Variants in ABHD2 observed in about 807,000 individuals in gnomAD.
ABHD2 encodes monoacylglycerol lipase ABHD2.
In ABHD2, 20 loss-of-function variants were observed where a neutral mutation model predicts 48.1. That is an observed-to-expected ratio of 0.42 (90% confidence interval 0.29 to 0.60). The LOEUF is 0.60. ABHD2 is among the 20% of genes least tolerant of loss of function. The pLI is 0.24. For missense variants in ABHD2, 405 were observed against 550.9 expected, an observed-to-expected ratio of 0.74 and a Z score of 2.65; for synonymous variants, 209 against 214.2, an observed-to-expected ratio of 0.98 and a Z score of 0.21.
the ABHD2 span, among the ~76,000 whole-genome samples, chr15:89,079,158 A>G: frequency 6.6e-6 from 1 of 152,210 alleles, no homozygotes; most frequent in Admixed American, 6.5e-5. The surrounding 1 kb of genome is among the most constrained non-coding windows in gnomAD (Gnocchi z 4.3). Flanking sequence ...TACATATTTT[A>G]TGTAAAATGT....
intron 5 of ABHD2, among the ~76,000 whole-genome samples, chr15:89,169,749 C>T (rs992075503): frequency 1.3e-5 from 2 of 152,134 alleles, no homozygotes; most frequent in African/African-American, 4.8e-5. Flanking sequence ...GAAATGTAAA[C>T]ATCTTTTTTT....
the ABHD2 span, chr15:89,075,159 G>C: frequency 6.6e-6 from 1 of 152,198 alleles, no homozygotes; most frequent in African/African-American, 2.4e-5. This position sits in a 1 kb window ranked among gnomAD's most constrained non-coding sequence, Gnocchi z 4.1. Context: ...TTGGCCTCAA[G>C]GGGTAGGGCT....
chr15:89,108,419 C>T (rs1471314331), intron 1 of ABHD2, among the ~76,000 whole-genome samples: 2 of 152,208 alleles, frequency 1.3e-5, no homozygotes, highest in African/African-American at 4.8e-5. Flanking sequence ...TCCAAGGACA[C>T]CAGTCATGGG....
At chr15:89,136,019 C>G (rs1448026690) in intron 3 of ABHD2, 10 of 232,276 alleles carry the variant, frequency 4.3e-5, no homozygotes, top group South Asian at 3.0e-4. Flanking sequence ...CTCTGCCTCC[C>G]AGGTTCAAGC....
chr15:89,175,703 T>A lies in ABHD2; in HGVS notation c.539-109T>A. 1 of 1,154,750 alleles carries A rather than the reference T, an allele frequency of 8.7e-7. No individual in the cohort carries two copies. The highest frequency in any genetic ancestry group is 1.3e-6 in the Non-Finnish European group (1 of 781,344). The allele number at this position is 1,154,750 out of a possible 1,614,324, so 71.5% of individuals were successfully genotyped here. The stretch of plus-strand genomic sequence containing the variant: ...CACACGTATATATACACATATATAT[T>A]TCTCTCTCTTTTAGTATACTGGCAC... On this transcript the variant is annotated intron_variant, in intron 5 of 10. Coordinates refer to ENST00000352732, the MANE Select transcript of ABHD2 (RefSeq NM_152924.5). The surrounding 1 kb of genome is among the most constrained non-coding windows in gnomAD (Gnocchi z 5.7).
chr15:89,086,825 C>G (rs1019441028), upstream of ABHD2, among the ~76,000 whole-genome samples: 1 of 152,218 alleles, frequency 6.6e-6, no homozygotes. Flanking sequence ...TGTTTTAACT[C>G]AGAGTCAGGA....
intron 1 of ABHD2, chr15:89,093,750 G>C (rs529484930): frequency 4.6e-5 from 7 of 152,278 alleles, no homozygotes; most frequent in African/African-American, 1.7e-4. Context: ...AACTTCCAAG[G>C]TCTGAGCCTG....
At chr15:89,150,704 G>A (rs2050576648) in intron 3 of ABHD2, among the ~76,000 whole-genome samples, 1 of 152,166 alleles carries the variant, frequency 6.6e-6, no homozygotes, top group Non-Finnish European at 1.5e-5. Flanking sequence ...AGTAGGTTAA[G>A]GTAAATTATT....
At chr15:89,148,654 G>A (rs2150881900) in intron 3 of ABHD2, among the ~76,000 whole-genome samples, 1 of 152,266 alleles carries the variant, frequency 6.6e-6, no homozygotes, top group African/African-American at 2.4e-5. Context: ...ATCTCCTAAG[G>A]GCCAGGCCTA....
At chr15:89,172,447 G>A (rs1047358781) in intron 5 of ABHD2, among the ~76,000 whole-genome samples, 2 of 152,180 alleles carry the variant, frequency 1.3e-5, no homozygotes, top group African/African-American at 4.8e-5. Context: ...AGCATGTGAC[G>A]GGATGTCCTT....
At chr15:89,095,438 G>A (rs2049597356) in intron 1 of ABHD2, among the ~76,000 whole-genome samples, 1 of 152,154 alleles carries the variant, frequency 6.6e-6, no homozygotes, top group South Asian at 2.1e-4. Context: ...ACTGGAAATC[G>A]TTCTTTGAAT....
chr15:89,112,768 AC>A (rs2049895736), intron 1 of ABHD2, among the ~76,000 whole-genome samples: 1 of 152,042 alleles, frequency 6.6e-6, no homozygotes, highest in Admixed American at 6.6e-5. Context: ...TTTCTCACTT[AC>A]CTGCCTTCAA....
chr15:89,069,068 G>T, the ABHD2 span, among the ~76,000 whole-genome samples: 1 of 149,696 alleles, frequency 6.7e-6, no homozygotes, highest in Non-Finnish European at 1.5e-5. Flanking sequence ...GAAGATATTG[G>T]TATGTCACTT....
At chr15:89,056,910 T>G in the ABHD2 span, among the ~76,000 whole-genome samples, 2 of 66,600 alleles carry the variant, frequency 3.0e-5, no homozygotes, top group Non-Finnish European at 6.1e-5. Context: ...AGTGATACCT[T>G]TTTTTTTTTT....
At chr15:89,140,804 C>G (rs942958602) in intron 3 of ABHD2, among the ~76,000 whole-genome samples, 1 of 152,110 alleles carries the variant, frequency 6.6e-6, no homozygotes, top group African/African-American at 2.4e-5. Flanking sequence ...TCCTTTGTTT[C>G]ACAACATGGC....
rs372991470 is a variant in ABHD2, at chr15:89,121,458, C to CT, written c.194+4949dup. Among the ~76,000 whole-genome samples, 626 of 144,134 alleles carry CT rather than the reference C, an allele frequency of 4.3e-3. 14 individuals are homozygous for CT. In the South Asian group the frequency reaches 0.049, roughly 11 times the overall value. The allele number at this position is 144,134 out of a possible 152,430, so 94.6% of individuals were successfully genotyped here. On this transcript the variant is annotated intron_variant, in intron 3 of 10. Coordinates refer to ENST00000352732, the MANE Select transcript of ABHD2 (RefSeq NM_152924.5). ...ACAGGCTGGCACTGTCTCCCTTTGG[C>CT]TTTTTTTTTTTTAAGTACTTTTTAA...
rs1216000691 is a variant in ABHD2, at chr15:89,179,451, A to G, written c.722+3456A>G. On this transcript the variant is annotated intron_variant, in intron 6 of 10. Coordinates refer to ENST00000352732, the MANE Select transcript of ABHD2 (RefSeq NM_152924.5). The surrounding 1 kb of genome is among the most constrained non-coding windows in gnomAD (Gnocchi z 4.3). ...TTATTGTGAACTGCGCATGTGAGGG[A>G]TAGTTTGCATCTTCTTATGAGAATC... is the stretch of plus-strand genomic sequence containing the variant. Among the ~76,000 whole-genome samples the G allele has an allele frequency of 2.0e-5, 3 of 152,142 alleles. No homozygotes were observed. Among genetic ancestry groups the G allele is most frequent in the Non-Finnish European group, 2.9e-5 (2 of 68,018 alleles).
chr15:89,047,314 C>T, the ABHD2 span, among the ~76,000 whole-genome samples: 899 of 150,434 alleles, frequency 6.0e-3, 5 homozygotes, highest in Middle Eastern at 0.027. Flanking sequence ...GCTTTACTTC[C>T]AAGTATGTGG....
chr15:89,134,493 C>A (rs905119432), intron 3 of ABHD2, among the ~76,000 whole-genome samples: 12 of 152,080 alleles, frequency 7.9e-5, no homozygotes, highest in African/African-American at 2.9e-4. Flanking sequence ...TGTTGATGGT[C>A]CTGAACATAT....
Sources: gnomAD v4.1 joint callset for allele counts (sites outside exome capture counted in the v4.1 genomes callset) on GRCh38, gnomAD v4.1.1 for gene constraint, Gnocchi (gnomAD v3.1) non-coding constraint, MANE v1.5 for transcripts, NCBI Gene and HGNC (gene_info 2026-07-23, HGNC 2026-07-21) for gene names.